KCNB2: variants seen among roughly 807,000 people sequenced by gnomAD.
The protein encoded by KCNB2 is potassium voltage-gated channel subfamily B member 2, also known as delayed rectifier potassium channel protein.
In KCNB2, 15 loss-of-function variants were observed where a neutral mutation model predicts 61.5. The ratio of observed to expected loss-of-function variants is 0.24; its 90% CI spans 0.16 to 0.38. The LOEUF is 0.38. Among genes scored for constraint, KCNB2 ranks in the 10% least tolerant of loss-of-function variants. KCNB2 has a pLI of 1.00. For missense variants in KCNB2, 828 were observed against 1,125.2 expected (o/e 0.74, Z 3.78); for synonymous variants, 457 against 446.0 (o/e 1.02, Z -0.31).
chr8:72,850,213 GTGTGTGTA>G (rs765732708), intron 2 of KCNB2, among the ~76,000 whole-genome samples: 9,069 of 38,902 alleles, frequency 0.23, 495 homozygotes, highest in African/African-American at 0.28. Flanking sequence ...GTGTGTGTGT[GTGTGTGTA>G]TGTGTGTGTG....
chr8:72,717,097 A>G (rs949816132), intron 2 of KCNB2, among the ~76,000 whole-genome samples: 2 of 152,162 alleles, frequency 1.3e-5, no homozygotes, highest in African/African-American at 4.8e-5. Context: ...TAGGAATCCA[A>G]CTTACAAGGG....
intron 2 of KCNB2, among the ~76,000 whole-genome samples, chr8:72,584,251 C>T (rs1168668048): frequency 1.3e-5 from 2 of 152,102 alleles, no homozygotes; most frequent in Non-Finnish European, 2.9e-5. Flanking sequence ...TATAGACACA[C>T]ATATAAACTG....
chr8:72,841,301 T>C (rs911138194), intron 2 of KCNB2, among the ~76,000 whole-genome samples: 14 of 94,784 alleles, frequency 1.5e-4, no homozygotes, highest in African/African-American at 4.9e-4. Context: ...TTTTGGTTAC[T>C]ATAGCCCTGT....
chr8:72,862,642 G>A (rs191548058), intron 2 of KCNB2, among the ~76,000 whole-genome samples: 47 of 152,210 alleles, frequency 3.1e-4, no homozygotes, highest in African/African-American at 1.0e-3. Flanking sequence ...ATGAAAAGGG[G>A]GATTCAATAA....
intron 2 of KCNB2, among the ~76,000 whole-genome samples, chr8:72,827,984 T>C (rs1809625558): frequency 6.6e-6 from 1 of 152,102 alleles, no homozygotes; most frequent in South Asian, 2.1e-4. Flanking sequence ...AGCTAATTTT[T>C]GTATTTTTAG....
intron 2 of KCNB2, among the ~76,000 whole-genome samples, chr8:72,709,940 G>T (rs754238426): frequency 6.6e-6 from 1 of 152,176 alleles, no homozygotes; most frequent in Non-Finnish European, 1.5e-5. Context: ...CATGGGAAAT[G>T]CCTGGCCTGA....
chr8:72,652,637 A>G (rs1477285347), intron 2 of KCNB2, among the ~76,000 whole-genome samples: 1 of 152,020 alleles, frequency 6.6e-6, no homozygotes, highest in Non-Finnish European at 1.5e-5. Flanking sequence ...TCAGGCTGAC[A>G]TTTCATCAGT....
intron 2 of KCNB2, among the ~76,000 whole-genome samples, chr8:72,648,272 C>T (rs1390215614): frequency 2.0e-5 from 3 of 152,150 alleles, no homozygotes; most frequent in South Asian, 4.1e-4. Flanking sequence ...TTCTGTGTCA[C>T]ATTAGATATG....
At chr8:72,750,440 G>A (rs1392449718) in intron 2 of KCNB2, 1 of 152,138 alleles carries the variant, frequency 6.6e-6, no homozygotes, top group Non-Finnish European at 1.5e-5. Context: ...TTTCCAAAGT[G>A]ATTAGACCTC....
rs1966735 is a variant in KCNB2, at chr8:72,725,557, G to A, written c.579+157244G>A. ...TATATATATGTGTGTATATATATAT[G>A]TATATATGTATATATATGTATATAT... On this transcript the variant is annotated intron_variant, in intron 2 of 2. Coordinates refer to ENST00000523207, the MANE Select transcript of KCNB2 (RefSeq NM_004770.3). 9.7e-3 allele frequency among the ~76,000 whole-genome samples: 531 copies of A among 54,842 alleles called. 10 individuals carry two copies. Among genetic ancestry groups the A allele is most frequent in the Admixed American group, 0.016 (74 of 4,588 alleles). The allele number at this position is 54,842 out of a possible 152,430, so 36.0% of individuals were successfully genotyped here.
At chr8:72,776,870 C>T (rs1401876856) in intron 2 of KCNB2, among the ~76,000 whole-genome samples, 1 of 152,146 alleles carries the variant, frequency 6.6e-6, no homozygotes, top group African/African-American at 2.4e-5. Context: ...TGGACCTAAG[C>T]TCTCCACCTT....
chr8:72,598,129 C>T (rs1285488227), intron 2 of KCNB2, among the ~76,000 whole-genome samples: 1 of 136,744 alleles, frequency 7.3e-6, no homozygotes, highest in Non-Finnish European at 1.6e-5. Context: ...ATGTCAAAGC[C>T]TGGCAGAGAC....
Position 72,571,491 on chromosome 8 carries a change from G to A in KCNB2, c.579+3178G>A, listed in dbSNP as rs373818371. ...ATATAGAAAACCATGAAATATAATCGTACTATTCAAAATATAATGACAGGG... is the reference window on the plus strand; with the variant it reads ...ATATAGAAAACCATGAAATATAATCATACTATTCAAAATATAATGACAGGG... On this transcript the variant is annotated intron_variant, in intron 2 of 2. Coordinates refer to ENST00000523207, the MANE Select transcript of KCNB2 (RefSeq NM_004770.3). Among the ~76,000 whole-genome samples, 104 of 152,160 alleles carry A rather than the reference G, an allele frequency of 6.8e-4. 1 individual carries two copies. The South Asian group carries it at 0.013, about 19-fold the overall frequency.
chr8:72,935,868 C>A, intron 2 of KCNB2, 67 bp from the exon 3 acceptor site: 1 of 1,053,828 alleles, frequency 9.5e-7, no homozygotes, highest in Non-Finnish European at 1.4e-6. Context: ...CAATCACCGA[C>A]CCATCTGTCT....
chr8:72,763,135 A>G (rs1318069937), intron 2 of KCNB2, among the ~76,000 whole-genome samples: 1 of 151,730 alleles, frequency 6.6e-6, no homozygotes, highest in Middle Eastern at 3.2e-3. Context: ...GATATCAGGT[A>G]GTAACTGAGA....
In KCNB2 at chr8:72,568,100, A is replaced by G. The variant is rs1470567680; in HGVS notation, c.366A>G (p.Glu122=). The change falls in exon 2 of 3, where the codon GAA becomes GAG. Residue 122 remains glutamate, a synonymous_variant. Transcript: ENST00000523207. ...EEMCALSFGQ[E]LDYWGIDEIY... is the part of the protein sequence containing the mutation. ...TGTGTGCACTTTCGTTTGGCCAAGA[A>G]CTTGATTACTGGGGGATTGATGAGA... 2.5e-6 allele frequency: 4 copies of G among 1,614,024 alleles called. No individual in the cohort carries two copies. Among genetic ancestry groups the G allele is most frequent in the South Asian group, 1.1e-5 (1 of 91,084 alleles).
chr8:72,672,883 T>C (rs1309220095), intron 2 of KCNB2, among the ~76,000 whole-genome samples: 1 of 152,162 alleles, frequency 6.6e-6, no homozygotes, highest in Non-Finnish European at 1.5e-5. Flanking sequence ...TATAAAAAGA[T>C]CCAGAAAATA....
intron 2 of KCNB2, among the ~76,000 whole-genome samples, chr8:72,610,099 A>G (rs1347714375): frequency 2.0e-5 from 3 of 152,210 alleles, no homozygotes; most frequent in African/African-American, 7.2e-5. Context: ...GGGTTGGGAT[A>G]AAACAACAGG....
intron 2 of KCNB2, among the ~76,000 whole-genome samples, chr8:72,898,167 A>G (rs1431555289): frequency 6.6e-6 from 1 of 152,068 alleles, no homozygotes; most frequent in Non-Finnish European, 1.5e-5. Flanking sequence ...ATATGGAGAG[A>G]ATTGAGGAGA....
Sources: gnomAD v4.1 joint callset for allele counts (sites outside exome capture counted in the v4.1 genomes callset) on GRCh38, gnomAD v4.1.1 for gene constraint, MANE v1.5 for transcripts, NCBI Gene and HGNC (gene_info 2026-07-23, HGNC 2026-07-21) for gene names.